The following CDC37L1 variants were observed in gnomAD, a reference collection of about 807,000 sequenced individuals.
CDC37L1 encodes the protein hsp90 co-chaperone Cdc37-like 1.
CDC37L1 carries 32 observed loss-of-function variants against 45.9 expected under a neutral mutation model. That is an observed-to-expected ratio of 0.70 (90% CI 0.53 to 0.94). CDC37L1 has a LOEUF of 0.94. Ranked by LOEUF, CDC37L1 falls within the 40% of genes least tolerant of loss-of-function variation. The pLI, the probability that CDC37L1 is intolerant of heterozygous loss-of-function variation, is 0.00. For missense variants in CDC37L1, 434 were observed against 405.7 expected, an observed-to-expected ratio of 1.07 and a Z score of -0.60; for synonymous variants, 150 against 133.0, an observed-to-expected ratio of 1.13 and a Z score of -0.88.
At chr9:4,703,280 C>G (rs930933439) in intron 6 of CDC37L1, 100 of 428,466 alleles carry the variant, frequency 2.3e-4, no homozygotes, top group African/African-American at 2.0e-3. Flanking sequence ...CATGTATGTC[C>G]TTTAAGGAAA....
intron 3 of CDC37L1, among the ~76,000 whole-genome samples, chr9:4,696,137 C>T (rs1295407165): frequency 1.3e-5 from 2 of 152,064 alleles, no homozygotes; most frequent in Non-Finnish European, 2.9e-5. Context: ...TTTTGATTGA[C>T]TCACATTGTT....
At chr9:4,703,348 C>T in intron 6 of CDC37L1, 1 of 301,960 alleles carries the variant, frequency 3.3e-6, no homozygotes, top group Non-Finnish European at 5.9e-6. Context: ...TCTGAGCCTA[C>T]TCTGGCTGAA....
rs746916869 is a variant in CDC37L1 at position 4,685,098 on chromosome 9, A to G, written c.354A>G (p.Val118=). Residue 118 remains valine (V), a synonymous_variant, in exon 2 of 7, where the codon GTA becomes GTG. Transcript: ENST00000381854. ...EEWRQKEEAL[V]QREKMCLWST... ...GGCGACAGAAAGAAGAAGCTCTAGT[A>G]CAAAGAGAGAAGATGTGTCTGTGGA... The G allele has an allele frequency of 1.2e-6, 2 of 1,613,854 alleles. No homozygotes were observed. The highest frequency in any genetic ancestry group is 3.3e-5 in the Admixed American group (2 of 60,028).
chr9:4,702,941 T>A (rs1587624685), intron 6 of CDC37L1: 2 of 550,050 alleles, frequency 3.6e-6, no homozygotes, highest in East Asian at 8.4e-5. Context: ...CATGAAAAAA[T>A]TTACATCAAA....
In CDC37L1 at chr9:4,690,056, T is replaced by A. The variant is rs577233346; in HGVS notation, c.508+1450T>A. Among the ~76,000 whole-genome samples the A allele has an allele frequency of 3.9e-5, 6 of 152,316 alleles. No individual in the cohort carries two copies. The South Asian group carries it at 1.2e-3, about 32-fold the overall frequency. Reference sequence around the variant, plus strand: ...AATTTTGTGTAGGAAAATATCCAAATATCACAAAGTGTTGTAACCCATCTG... The same window carrying A: ...AATTTTGTGTAGGAAAATATCCAAAAATCACAAAGTGTTGTAACCCATCTG... On this transcript the variant is annotated intron_variant, in intron 3 of 6. Coordinates refer to ENST00000381854, the MANE Select transcript of CDC37L1 (RefSeq NM_017913.4).
At chr9:4,692,594 A>C (rs1841311900) in intron 3 of CDC37L1, among the ~76,000 whole-genome samples, 2 of 152,194 alleles carry the variant, frequency 1.3e-5, no homozygotes. Context: ...TTAAAAAGTC[A>C]TTCAAAAATA....
At chr9:4,690,308 G>T (rs1450990351) in intron 3 of CDC37L1, among the ~76,000 whole-genome samples, 1 of 152,168 alleles carries the variant, frequency 6.6e-6, no homozygotes, top group African/African-American at 2.4e-5. Context: ...TCTAGAGTGG[G>T]CTCGTTCAAG....
At position 4,690,750 on chromosome 9, in the gene CDC37L1, T is replaced by G. The variant is rs1023680134; in HGVS notation, c.508+2144T>G. 2.0e-5 allele frequency among the ~76,000 whole-genome samples: 3 copies of G among 152,262 alleles called. No homozygotes were observed. In the South Asian group the frequency reaches 6.2e-4, roughly 31 times the overall value. ...GCCATTCCCAGAGTCACAATGTGCCTGTTTCTTACTGAAAATGCATGTTGT... is the reference window on the plus strand; with the variant it reads ...GCCATTCCCAGAGTCACAATGTGCCGGTTTCTTACTGAAAATGCATGTTGT... On this transcript the variant is annotated intron_variant, in intron 3 of 6. Coordinates refer to ENST00000381854, the MANE Select transcript of CDC37L1 (RefSeq NM_017913.4).
At chr9:4,698,941 C>CA (rs34682106) in intron 5 of CDC37L1, among the ~76,000 whole-genome samples, 70,937 of 151,532 alleles carry the variant, frequency 0.47, 18,705 homozygotes, top group African/African-American at 0.71. Flanking sequence ...TTTTGGAAAA[C>CA]TTTTTTTTTA....
intron 2 of CDC37L1, among the ~76,000 whole-genome samples, chr9:4,687,609 G>A (rs1410553441): frequency 2.7e-5 from 4 of 145,924 alleles, no homozygotes; most frequent in African/African-American, 1.0e-4. Context: ...ACCCCAAGAG[G>A]TTGAGGCTGC....
chr9:4,695,997 G>A (rs868267734), intron 3 of CDC37L1, among the ~76,000 whole-genome samples: 1 of 152,186 alleles, frequency 6.6e-6, no homozygotes, highest in Non-Finnish European at 1.5e-5. Flanking sequence ...TGTTGGCCAG[G>A]CTGGTCTCGA....
Position 4,706,254 on chromosome 9 carries a change from A to C in CDC37L1, c.*142A>C, listed in dbSNP as rs1180296600. 1 of 467,634 alleles carries C rather than the reference A, an allele frequency of 2.1e-6. No individual in the cohort carries two copies. Among genetic ancestry groups the C allele is most frequent in the East Asian group, 3.1e-5 (1 of 32,362 alleles). The allele number at this position is 467,634 out of a possible 1,614,324, so 29.0% of individuals were successfully genotyped here. Reference sequence around the variant, plus strand: ...GGGAAAGAGTACTGAAATGTTTTGTAAATTTTTTTTAATGTGCTGCTAGGT... The same window carrying C: ...GGGAAAGAGTACTGAAATGTTTTGTCAATTTTTTTTAATGTGCTGCTAGGT... On this transcript the variant is annotated 3_prime_UTR_variant, in exon 7 of 7. Coordinates refer to ENST00000381854, the MANE Select transcript of CDC37L1 (RefSeq NM_017913.4).
chr9:4,686,886 G>C (rs1841252437), intron 2 of CDC37L1, among the ~76,000 whole-genome samples: 1 of 152,168 alleles, frequency 6.6e-6, no homozygotes, highest in Non-Finnish European at 1.5e-5. Context: ...CAATGATGTA[G>C]TGCCAAAAAA....
At chr9:4,694,850 A>G (rs369815927) in intron 3 of CDC37L1, among the ~76,000 whole-genome samples, 116 of 152,318 alleles carry the variant, frequency 7.6e-4, no homozygotes, top group South Asian at 2.7e-3. Context: ...AGCCTGGGCA[A>G]CAGAGTGAGA....
intron 6 of CDC37L1, among the ~76,000 whole-genome samples, chr9:4,704,555 C>A (rs1332573502): frequency 1.3e-5 from 2 of 152,116 alleles, no homozygotes; most frequent in Non-Finnish European, 2.9e-5. Context: ...AAAGTTGTGC[C>A]ATGGAAAACT....
chr9:4,703,152 T>C, intron 6 of CDC37L1: 1 of 1,501,674 alleles, frequency 6.7e-7, no homozygotes, highest in Non-Finnish European at 8.9e-7. Flanking sequence ...AAGGAAAGTC[T>C]TATTCAAAAG....
chr9:4,707,465 C>T lies in CDC37L1; in HGVS notation c.*1353C>T, dbSNP rs1291647469. 1 of 152,178 alleles carries T rather than the reference C, an allele frequency of 6.6e-6. No individual in the cohort carries two copies. The highest frequency in any genetic ancestry group is 1.5e-5 in the Non-Finnish European group (1 of 68,050). 9.4% of individuals were successfully genotyped at this position (152,178 alleles called of 1,614,324 possible). On this transcript the variant is annotated 3_prime_UTR_variant, in exon 7 of 7. Transcript: ENST00000381854. ...TGAGAAACCAAATAGTGCGAAGGGACTCAGGGTGGCCAGACCTGTGACCTT... is the reference window on the plus strand; with the variant it reads ...TGAGAAACCAAATAGTGCGAAGGGATTCAGGGTGGCCAGACCTGTGACCTT...
chr9:4,680,619 T>A (rs867302774), intron 1 of CDC37L1, among the ~76,000 whole-genome samples: 1 of 152,098 alleles, frequency 6.6e-6, no homozygotes, highest in Non-Finnish European at 1.5e-5. Flanking sequence ...AAATGTGATA[T>A]ACTATTAAGG....
At chr9:4,680,233 T>C (rs1841177737) in intron 1 of CDC37L1, among the ~76,000 whole-genome samples, 1 of 152,188 alleles carries the variant, frequency 6.6e-6, no homozygotes, top group Non-Finnish European at 1.5e-5. Flanking sequence ...ACATTGACCC[T>C]TTGTCCTCTT....
Sources: gnomAD v4.1 joint callset for allele counts (sites outside exome capture counted in the v4.1 genomes callset) on GRCh38, gnomAD v4.1.1 for gene constraint, MANE v1.5 for transcripts, NCBI Gene and HGNC (gene_info 2026-07-23, HGNC 2026-07-21) for gene names.